ATRNL1: variants seen among roughly 807,000 people sequenced by gnomAD.
The protein encoded by ATRNL1 is attractin like 1, also known as attractin-like protein 1.
Under a neutral mutation model 182.7 loss-of-function variants are expected in ATRNL1, and 95 were observed. The ratio of observed to expected loss-of-function variants is 0.52; its 90% confidence interval spans 0.44 to 0.62. The LOEUF (loss-of-function observed/expected upper bound fraction) is 0.62. Among genes scored for constraint, ATRNL1 ranks in the 20% least tolerant of loss-of-function variants. The pLI, the probability that ATRNL1 is intolerant of heterozygous loss-of-function variation, is 0.00. For synonymous variants in ATRNL1, 576 were observed against 568.3 expected, an observed-to-expected ratio of 1.01 and a Z score of -0.19; for missense variants, 1,471 against 1,679.5, an observed-to-expected ratio of 0.88 and a Z score of 2.17.
chr10:115,467,402 A>C, intron 23 of ATRNL1, 150 bp downstream of exon 23: 1 of 487,924 alleles, frequency 2.0e-6, no homozygotes, highest in Non-Finnish European at 3.6e-6. Flanking sequence ...AATAAGTAGA[A>C]AAATGAATAG....
At chr10:115,197,791 G>T (rs782302454) in intron 8 of ATRNL1, among the ~76,000 whole-genome samples, 3 of 152,086 alleles carry the variant, frequency 2.0e-5, no homozygotes, top group Non-Finnish European at 4.4e-5. Context: ...TTTGCATTTG[G>T]TTGAAAGAAT....
chr10:115,787,141 A>G (rs1257508225), intron 27 of ATRNL1, among the ~76,000 whole-genome samples: 2 of 152,342 alleles, frequency 1.3e-5, no homozygotes, highest in Non-Finnish European at 1.5e-5. Flanking sequence ...TTAACACATC[A>G]ATCAATGGCA....
chr10:115,203,667 C>A (rs2144327119), intron 8 of ATRNL1, among the ~76,000 whole-genome samples: 1 of 149,524 alleles, frequency 6.7e-6, no homozygotes, highest in South Asian at 2.1e-4. Flanking sequence ...GCAACCTATG[C>A]CTCCTGAAGT....
intron 25 of ATRNL1, among the ~76,000 whole-genome samples, chr10:115,548,242 A>G (rs1457342440): frequency 6.6e-6 from 1 of 152,276 alleles, no homozygotes; most frequent in Non-Finnish European, 1.5e-5. Flanking sequence ...GTACTAGCAC[A>G]GCATCTGGAA....
At chr10:115,689,946 C>T (rs1404084967) in intron 26 of ATRNL1, among the ~76,000 whole-genome samples, 1 of 152,290 alleles carries the variant, frequency 6.6e-6, no homozygotes, top group East Asian at 1.9e-4. Context: ...AATGGCTGTA[C>T]TTGTAACAGT....
At position 115,093,917 on chromosome 10, in the gene ATRNL1, A is replaced by T. The variant is rs782579458; in HGVS notation, c.167A>T (p.Gln56Leu). 1.0e-5 allele frequency: 16 copies of T among 1,596,716 alleles called. No individual in the cohort carries two copies. Among genetic ancestry groups the T allele is most frequent in the Non-Finnish European group, 1.2e-5 (14 of 1,173,264 alleles). ...TTCCTCTACCTGGCGCTCTACGCGC[A>T]GGTGTCCCAGTCCAAGCCGTGCGAG... ...YGFLYLALYAQVSQSKPCERT... is the reference protein window; with the variant it reads ...YGFLYLALYALVSQSKPCERT... Residue 56 changes from glutamine (Q) to leucine (L), a missense_variant, in exon 1 of 29, where the codon CAG becomes CTG. By Grantham distance (113) the Gln-to-Leu change is moderately radical. Transcript: ENST00000355044. The surrounding 1 kb of genome is among the most constrained non-coding windows in gnomAD (Gnocchi z 6.1).
intron 28 of ATRNL1, among the ~76,000 whole-genome samples, chr10:115,869,557 A>C (rs1186831745): frequency 6.6e-6 from 1 of 151,952 alleles, no homozygotes; most frequent in Non-Finnish European, 1.5e-5. Context: ...TCTACTGTTC[A>C]TTTCCACTCA....
intron 24 of ATRNL1, among the ~76,000 whole-genome samples, chr10:115,502,406 G>A (rs983329900): frequency 1.3e-5 from 2 of 152,014 alleles, no homozygotes; most frequent in Non-Finnish European, 2.9e-5. Context: ...GCAGGTTATT[G>A]TAAAATAAGT....
chr10:115,240,548 C>T (rs897891948), intron 9 of ATRNL1, among the ~76,000 whole-genome samples: 3 of 152,050 alleles, frequency 2.0e-5, no homozygotes, highest in Non-Finnish European at 2.9e-5. Flanking sequence ...GACAACACCA[C>T]GCCTGGCTGA....
At chr10:115,375,996 T>C (rs1205895782) in intron 19 of ATRNL1, among the ~76,000 whole-genome samples, 2 of 152,166 alleles carry the variant, frequency 1.3e-5, no homozygotes, top group African/African-American at 4.8e-5. Flanking sequence ...GAATTTCCTT[T>C]AGTATTTATT....
chr10:115,102,359 A>G (rs1257617154), intron 1 of ATRNL1, among the ~76,000 whole-genome samples: 1 of 151,954 alleles, frequency 6.6e-6, no homozygotes, highest in Non-Finnish European at 1.5e-5. Flanking sequence ...TGTTCCATTG[A>G]TCCATATCTC....
chr10:115,483,473 A>G (rs1848867773), intron 24 of ATRNL1, among the ~76,000 whole-genome samples: 1 of 151,428 alleles, frequency 6.6e-6, no homozygotes, highest in South Asian at 2.1e-4. Flanking sequence ...TTCAGCATAC[A>G]TTTTATTGGT....
At chr10:115,268,519 AGCACTGT>A in intron 13 of ATRNL1, 75 bp downstream of exon 13, 1 of 1,043,470 alleles carries the variant, frequency 9.6e-7, no homozygotes. Flanking sequence ...ACCATTTAGT[AGCACTGT>A]AGAAAAAAAG....
chr10:115,638,258 A>C (rs1859018027), intron 26 of ATRNL1, among the ~76,000 whole-genome samples: 1 of 152,198 alleles, frequency 6.6e-6, no homozygotes, highest in African/African-American at 2.4e-5. Context: ...AGTCTTCAGT[A>C]CAGTAACATG....
intron 24 of ATRNL1, among the ~76,000 whole-genome samples, chr10:115,469,949 C>G (rs1346826691): frequency 6.6e-6 from 1 of 150,504 alleles, no homozygotes; most frequent in African/African-American, 2.4e-5. Context: ...AAAGAAAAGC[C>G]TATCTATTGG....
At chr10:115,519,109 G>T (rs1449661025) in intron 24 of ATRNL1, among the ~76,000 whole-genome samples, 154 bp from the exon 25 acceptor site, 2 of 151,894 alleles carry the variant, frequency 1.3e-5, no homozygotes, top group Non-Finnish European at 2.9e-5. Flanking sequence ...AGGTATTCTA[G>T]ATGAAATTTT....
intron 21 of ATRNL1, among the ~76,000 whole-genome samples, chr10:115,436,775 T>TC (rs1346939234): frequency 1.3e-5 from 2 of 152,130 alleles, no homozygotes; most frequent in Non-Finnish European, 1.5e-5. Flanking sequence ...TGACTTGTGT[T>TC]TATTCATTCT....
chr10:115,277,704 T>C (rs1048895654), intron 13 of ATRNL1, among the ~76,000 whole-genome samples: 3 of 152,006 alleles, frequency 2.0e-5, no homozygotes, highest in Non-Finnish European at 4.4e-5. Context: ...TTTTCATGAG[T>C]TAGGTTTTAT....
chr10:115,853,832 A>G (rs910289969), intron 28 of ATRNL1, among the ~76,000 whole-genome samples: 2 of 152,228 alleles, frequency 1.3e-5, no homozygotes, highest in African/African-American at 2.4e-5. Context: ...CCAGGAAACA[A>G]CAGAGATAAG....
Sources: allele counts gnomAD v4.1 joint callset (sites outside exome capture counted in the v4.1 genomes callset), GRCh38; gene constraint gnomAD v4.1.1; non-coding constraint Gnocchi (gnomAD v3.1); transcripts MANE v1.5; gene names NCBI Gene and HGNC (gene_info 2026-07-23, HGNC 2026-07-21).